The following MALRD1 variants were observed in gnomAD, a reference collection of about 807,000 sequenced individuals.
MALRD1 encodes MAM and LDL-receptor class A domain-containing protein 1.
MALRD1 carries 247 observed loss-of-function variants against 242.1 expected under a neutral mutation model. The ratio of observed to expected loss-of-function variants is 1.02; its 90% CI spans 0.92 to 1.13. The LOEUF (loss-of-function observed/expected upper bound fraction) is 1.13. MALRD1 is among the 50% of genes most tolerant of loss of function. The pLI, the probability that MALRD1 is intolerant of heterozygous loss-of-function variation, is 0.00. For synonymous variants in MALRD1, 995 were observed against 866.6 expected (o/e 1.15, Z -2.60); for missense variants, 2,989 against 2,533.1 (o/e 1.18, Z -3.86).
chr10:19,395,049 A>G (rs1334314919), intron 28 of MALRD1, among the ~76,000 whole-genome samples: 2 of 152,190 alleles, frequency 1.3e-5, no homozygotes, highest in Admixed American at 6.5e-5. Flanking sequence ...AATCAATTAA[A>G]CCACATTTTT....
At chr10:19,433,503 C>CA (rs1183103675) in intron 28 of MALRD1, among the ~76,000 whole-genome samples, 2 of 152,088 alleles carry the variant, frequency 1.3e-5, no homozygotes, top group Non-Finnish European at 2.9e-5. Context: ...ATTTTGGTAT[C>CA]AATTTCATAA....
At chr10:19,243,511 C>G (rs1473752681) in intron 18 of MALRD1, among the ~76,000 whole-genome samples, 1 of 152,042 alleles carries the variant, frequency 6.6e-6, no homozygotes, top group African/African-American at 2.4e-5. Context: ...TTTTGTTGCT[C>G]TTCTTACCCT....
chr10:19,523,687 C>A (rs915432446), intron 31 of MALRD1, among the ~76,000 whole-genome samples: 2 of 152,118 alleles, frequency 1.3e-5, no homozygotes, highest in Non-Finnish European at 2.9e-5. Context: ...CAACGAATTT[C>A]ACTTATATAT....
chr10:19,689,312 C>T (rs192207398), intron 36 of MALRD1, among the ~76,000 whole-genome samples: 1 of 152,138 alleles, frequency 6.6e-6, no homozygotes, highest in East Asian at 1.9e-4. Context: ...ACCTTAGTTA[C>T]CTCGGGAGGA....
At chr10:19,356,406 A>C (rs1268343714) in intron 26 of MALRD1, among the ~76,000 whole-genome samples, 1 of 152,168 alleles carries the variant, frequency 6.6e-6, no homozygotes, top group Non-Finnish European at 1.5e-5. Context: ...TTTCCAATAG[A>C]GTCACAATGT....
At chr10:19,113,732 T>C (rs1434180200) in intron 5 of MALRD1, among the ~76,000 whole-genome samples, 2 of 151,620 alleles carry the variant, frequency 1.3e-5, no homozygotes, top group Non-Finnish European at 2.9e-5. Context: ...TGAGTTGAGG[T>C]TTCTTGTGCA....
intron 14 of MALRD1, among the ~76,000 whole-genome samples, chr10:19,195,814 C>G (rs1836212242): frequency 6.6e-6 from 1 of 152,032 alleles, no homozygotes; most frequent in African/African-American, 2.4e-5. Flanking sequence ...TTGGGGATTG[C>G]TGCCCTAAAG....
chr10:19,201,943 G>GTAGCT, intron 14 of MALRD1, among the ~76,000 whole-genome samples: 1 of 152,118 alleles, frequency 6.6e-6, no homozygotes, highest in South Asian at 2.1e-4. Context: ...AGCCTCCCGA[G>GTAGCT]TAGCTGGGAC....
At chr10:19,683,167 A>G (rs1384257786) in intron 36 of MALRD1, among the ~76,000 whole-genome samples, 2 of 151,878 alleles carry the variant, frequency 1.3e-5, no homozygotes, top group African/African-American at 4.8e-5. Flanking sequence ...TCAAAATGGC[A>G]GAATTGGTAA....
At chr10:19,622,381 CA>C (rs1564491955) in intron 36 of MALRD1, among the ~76,000 whole-genome samples, 1 of 151,268 alleles carries the variant, frequency 6.6e-6, no homozygotes, top group African/African-American at 2.4e-5. Context: ...ACATTGACAA[CA>C]AAAAGAGAAA....
At chr10:19,421,260 T>G (rs1199337328) in intron 28 of MALRD1, among the ~76,000 whole-genome samples, 2 of 152,188 alleles carry the variant, frequency 1.3e-5, no homozygotes, top group African/African-American at 4.8e-5. Context: ...CTAGAATTTG[T>G]TAAATGCTAT....
chr10:19,238,413 A>G (rs113587729), intron 18 of MALRD1, among the ~76,000 whole-genome samples: 1 of 84,070 alleles, frequency 1.2e-5, no homozygotes, highest in African/African-American at 5.2e-5. Context: ...TATGTATAAT[A>G]TATAATATAC....
rs191486214 is a variant in MALRD1, at chr10:19,552,720, A to C, written c.5479-14782A>C. 2.0e-3 allele frequency among the ~76,000 whole-genome samples: 307 copies of C among 152,274 alleles called. 1 individual carries two copies. Among genetic ancestry groups the C allele is most frequent in the Non-Finnish European group, 3.4e-3 (232 of 68,004 alleles). On this transcript the variant is annotated intron_variant, in intron 32 of 39. Transcript: ENST00000454679. ...GAAATATTTTTTAATTTCAAAAGAAAAAAATTATTTTGTTTTTCTTTTTTT... is the reference window on the plus strand; with the variant it reads ...GAAATATTTTTTAATTTCAAAAGAACAAAATTATTTTGTTTTTCTTTTTTT...
chr10:19,351,860 G>A, intron 25 of MALRD1, 146 bp from the exon 26 acceptor site: 1 of 755,328 alleles, frequency 1.3e-6, no homozygotes. Flanking sequence ...CAGTGTTAAA[G>A]TGCAGACAGA....
chr10:19,116,843 C>T (rs1442114929), intron 5 of MALRD1, among the ~76,000 whole-genome samples: 1 of 152,106 alleles, frequency 6.6e-6, no homozygotes, highest in Non-Finnish European at 1.5e-5. Flanking sequence ...AGTCTCAGCA[C>T]TTTGGGAGGC....
intron 26 of MALRD1, among the ~76,000 whole-genome samples, chr10:19,380,554 T>C (rs1845793537): frequency 6.6e-6 from 1 of 152,132 alleles, no homozygotes; most frequent in Non-Finnish European, 1.5e-5. Context: ...TTACTGTTTC[T>C]CTTAATTCCC....
At chr10:19,150,236 GT>G (rs900876908) in intron 11 of MALRD1, among the ~76,000 whole-genome samples, 4 of 151,636 alleles carry the variant, frequency 2.6e-5, no homozygotes, top group Admixed American at 2.6e-4. Context: ...TTTTGTTTTT[GT>G]TTTTTTTGCA....
At chr10:19,282,616 C>T (rs932073923) in intron 20 of MALRD1, among the ~76,000 whole-genome samples, 1 of 152,006 alleles carries the variant, frequency 6.6e-6, no homozygotes, top group Non-Finnish European at 1.5e-5. Context: ...TATTGGAAAC[C>T]TCGTTGCTTA....
intron 18 of MALRD1, among the ~76,000 whole-genome samples, chr10:19,253,885 T>TG (rs1235427275): frequency 6.6e-6 from 1 of 151,980 alleles, no homozygotes; most frequent in Non-Finnish European, 1.5e-5. Context: ...ATACTCACCA[T>TG]GGGTCAAGGG....
Sources: gnomAD v4.1 joint callset for allele counts (sites outside exome capture counted in the v4.1 genomes callset) on GRCh38, gnomAD v4.1.1 for gene constraint, MANE v1.5 for transcripts, NCBI Gene and HGNC (gene_info 2026-07-23, HGNC 2026-07-21) for gene names.